Variants in SEC22B observed in about 807,000 individuals in gnomAD.
The protein encoded by SEC22B is vesicle-trafficking protein SEC22b.
SEC22B carries 10 observed loss-of-function variants against 31.4 expected under a neutral mutation model. The ratio of observed to expected loss-of-function variants is 0.32; its 90% CI spans 0.20 to 0.54. SEC22B has a LOEUF of 0.54. Among genes scored for constraint, SEC22B ranks in the 20% least tolerant of loss-of-function variants. The probability of loss-of-function intolerance (pLI) is 0.94; values close to 1 mark genes in which losing one functional copy is unlikely to be tolerated. For missense variants in SEC22B, 130 were observed against 263.4 expected (o/e 0.49, Z 3.50); for synonymous variants, 60 against 95.9 (o/e 0.63, Z 2.19).
At position 120,163,290 on chromosome 1, in the gene SEC22B, T is replaced by C. The variant is rs1337332485; in HGVS notation, c.266A>G (p.Glu89Gly). The C allele has an allele frequency of 6.2e-7, 1 of 1,602,146 alleles. No individual in the cohort carries two copies. The highest frequency in any genetic ancestry group is 8.5e-7 in the Non-Finnish European group (1 of 1,171,892). Residue 89 changes from glutamate to glycine, a missense_variant, in exon 3 of 5, where the codon GAA becomes GGA. Coordinates refer to ENST00000578049, the MANE Select transcript of SEC22B (RefSeq NM_004892.6). ...FPKKLAFAYL[E>G]DLHSEFDEQH... ...TTCATCAAATTCTGAGTGCAAATCT[T>C]CTAGGTAGGCAAAAGCCAACTTCTT... is the stretch of plus-strand genomic sequence containing the variant.
At position 120,176,337 on chromosome 1, in the gene SEC22B, C is replaced by G; in HGVS notation, c.45G>C (p.Pro15=). Residue 15 remains proline (P), a synonymous_variant, in exon 1 of 5, where the codon CCG becomes CCC. Transcript: ENST00000578049. ...TMIARVADGL[P]LAASMQEDEQ... ...CGTCCTCCTGCATCGAGGCGGCCAGCGGGAGCCCGTCCGCCACTCGGGCGA... is the reference window on the plus strand; with the variant it reads ...CGTCCTCCTGCATCGAGGCGGCCAGGGGGAGCCCGTCCGCCACTCGGGCGA... 2 of 1,612,136 alleles carry G rather than the reference C, an allele frequency of 1.2e-6. No homozygotes were observed. Among genetic ancestry groups the G allele is most frequent in the South Asian group, 2.2e-5 (2 of 90,966 alleles).
At chr1:120,157,737 A>G (rs1657652643) in intron 4 of SEC22B, 1 of 149,130 alleles carries the variant, frequency 6.7e-6, no homozygotes, top group Admixed American at 6.6e-5. Flanking sequence ...CAATTAACCA[A>G]ACACAGTCTT....
Position 120,153,121 on chromosome 1 carries a change from G to A in SEC22B, c.*3917C>T, listed in dbSNP as rs1219484902. 1.3e-5 allele frequency: 2 copies of A among 151,934 alleles called. No homozygotes were observed. The highest frequency in any genetic ancestry group is 4.1e-4 in the South Asian group (2 of 4,828). The allele number at this position is 151,934 out of a possible 1,614,324, so 9.4% of individuals were successfully genotyped here. On this transcript the variant is annotated 3_prime_UTR_variant, in exon 5 of 5. Coordinates refer to ENST00000578049, the MANE Select transcript of SEC22B (RefSeq NM_004892.6). ...ACATTGCTTCAGATAGTTTTATACT[G>A]CTAGGTCAACGCTGCCTGACAGTAA...
intron 3 of SEC22B, among the ~76,000 whole-genome samples, chr1:120,162,534 A>G (rs1293048249): frequency 6.2e-4 from 90 of 145,094 alleles, no homozygotes; most frequent in African/African-American, 2.2e-3. Flanking sequence ...TTTCAGCGAT[A>G]TAGCCTGATC....
intron 2 of SEC22B, among the ~76,000 whole-genome samples, chr1:120,165,761 C>G (rs1358226342): frequency 6.6e-6 from 1 of 151,800 alleles, no homozygotes; most frequent in Non-Finnish European, 1.5e-5. Context: ...AGTCTTCGCC[C>G]AGGTTCATGT....
chr1:120,160,408 A>G lies in SEC22B; in HGVS notation c.469T>C (p.Leu157=). 2.5e-6 allele frequency: 4 copies of G among 1,612,356 alleles called. No individual in the cohort carries two copies. In the South Asian group the frequency reaches 4.4e-5, roughly 18 times the overall value. ...RIMVANIEEV[L]QRGEALSALD... ...CCTGAGAGTGCTTCTCCTCGTTGTA[A>G]CACTTCTTCAATATTGGCCACCATG... Residue 157 remains leucine (L), a synonymous_variant, in exon 4 of 5, where the codon TTA becomes CTA. Coordinates refer to ENST00000578049, the MANE Select transcript of SEC22B (RefSeq NM_004892.6).
rs1553228652 is a variant in SEC22B at position 120,151,196 on chromosome 1, A to G, written c.*5842T>C. On this transcript the variant is annotated 3_prime_UTR_variant, in exon 5 of 5. Transcript: ENST00000578049. ...TATTCTGGAGAAAAGGCACAGAGTG[A>G]GCCAAGGCACAAGGTAAAATGTTTG... 1 of 152,188 alleles carries G rather than the reference A, an allele frequency of 6.6e-6. No individual in the cohort carries two copies. Among genetic ancestry groups the G allele is most frequent in the Non-Finnish European group, 1.5e-5 (1 of 68,024 alleles). 9.4% of individuals were successfully genotyped at this position (152,188 alleles called of 1,614,324 possible). A position where few individuals can be genotyped will look rare whatever the true frequency, so the allele number is the denominator to read the frequency against.
rs1222093492 is a variant in SEC22B, at chr1:120,176,487, T to A, written c.-106A>T. On this transcript the variant is annotated 5_prime_UTR_variant, in exon 1 of 5. Transcript: ENST00000578049. ...TACCCTATGTCTCAGTTACCGGAGATCCAGCTGCTTGCGTCTCCGCTTCCC... is the reference window on the plus strand; with the variant it reads ...TACCCTATGTCTCAGTTACCGGAGAACCAGCTGCTTGCGTCTCCGCTTCCC... The A allele has an allele frequency of 5.0e-6, 5 of 993,274 alleles. No individual in the cohort carries two copies. In the East Asian group the frequency reaches 1.4e-4, roughly 27 times the overall value. 61.5% of individuals were successfully genotyped at this position (993,274 alleles called of 1,614,324 possible).
At chr1:120,171,806 T>C (rs1657899973) in intron 1 of SEC22B, among the ~76,000 whole-genome samples, 1 of 140,674 alleles carries the variant, frequency 7.1e-6, no homozygotes, top group Non-Finnish European at 1.5e-5. Flanking sequence ...CTGTTAACAT[T>C]TTGGTCATTT....
At chr1:120,161,015 G>A (rs1357368316) in intron 3 of SEC22B, among the ~76,000 whole-genome samples, 1 of 152,170 alleles carries the variant, frequency 6.6e-6, no homozygotes, top group Admixed American at 6.5e-5. Flanking sequence ...TTTGTAAGAT[G>A]TAAAGGTATA....
rs1657580105 is a variant in SEC22B, at chr1:120,153,530, T to C, written c.*3508A>G. ...AATCTCAAGCTCCTTAAATGTGATT[T>C]TGAGGAACTGAGACCAAAACAATTT... On this transcript the variant is annotated 3_prime_UTR_variant, in exon 5 of 5. Transcript: ENST00000578049. 6.9e-6 allele frequency: 1 copy of C among 145,234 alleles called. No homozygotes were observed. Among genetic ancestry groups the C allele is most frequent in the South Asian group, 2.2e-4 (1 of 4,538 alleles). 9.0% of individuals were successfully genotyped at this position (145,234 alleles called of 1,614,324 possible). A position where few individuals can be genotyped will look rare whatever the true frequency, so the allele number is the denominator to read the frequency against.
chr1:120,170,399 T>G (rs1657877285), intron 1 of SEC22B, among the ~76,000 whole-genome samples: 1 of 141,602 alleles, frequency 7.1e-6, no homozygotes, highest in African/African-American at 2.9e-5. Flanking sequence ...AAGCTGATAA[T>G]AAAAACAAGG....
intron 2 of SEC22B, among the ~76,000 whole-genome samples, chr1:120,167,349 C>T (rs1302940165): frequency 6.6e-6 from 1 of 151,980 alleles, no homozygotes; most frequent in Non-Finnish European, 1.5e-5. Flanking sequence ...GACTGTTCTC[C>T]AACATGCTAG....
chr1:120,157,153 T>C lies in SEC22B; in HGVS notation c.533A>G (p.Lys178Arg). 1.9e-6 allele frequency: 3 copies of C among 1,539,048 alleles called. No individual in the cohort carries two copies. The highest frequency in any genetic ancestry group is 3.8e-5 in the Admixed American group (2 of 52,258). The part of the protein sequence containing the change: ...SKANNLSSLS[K>R]KYRQDAKYLN... ...GTACTTCGCATCCTGGCGGTATTTCTTGGACAGACTGGACAAATTGTTAGC... is the reference window on the plus strand; with the variant it reads ...GTACTTCGCATCCTGGCGGTATTTCCTGGACAGACTGGACAAATTGTTAGC... The change falls in exon 5 of 5, where the codon AAG becomes AGG. Residue 178 changes from lysine (K) to arginine (R), a missense_variant. Lys to Arg is a conservative substitution (Grantham distance 26, BLOSUM62 2). This residue lies in a region of SEC22B where 53 missense variants were observed against 63.3 expected (regional missense o/e 0.84). Coordinates refer to ENST00000578049, the MANE Select transcript of SEC22B (RefSeq NM_004892.6).
intron 2 of SEC22B, among the ~76,000 whole-genome samples, chr1:120,164,647 C>T (rs1265509225): frequency 0.19 from 27,953 of 145,514 alleles, no homozygotes; most frequent in African/African-American, 0.31. Context: ...ATATATACTA[C>T]ATTTTCTTTA....
intron 2 of SEC22B, among the ~76,000 whole-genome samples, chr1:120,168,202 C>A (rs1657842959): frequency 6.6e-6 from 1 of 151,868 alleles, no homozygotes; most frequent in South Asian, 2.1e-4. Flanking sequence ...TTAATCCTTC[C>A]TATTTTGTCA....
chr1:120,176,289 CG>C lies in SEC22B; in HGVS notation c.75+17del. 2.5e-6 allele frequency: 4 copies of C among 1,605,862 alleles called. No individual in the cohort carries two copies. The highest frequency in any genetic ancestry group is 3.4e-6 in the Non-Finnish European group (4 of 1,178,642). On this transcript the variant is annotated intron_variant, in intron 1 of 4. Coordinates refer to ENST00000578049, the MANE Select transcript of SEC22B (RefSeq NM_004892.6). ...CTGACAGAGACTTGGGGTCGCGGGTCGTGAGTAAGCAGCTCACCTGTTCGTC... is the reference window on the plus strand; with the variant it reads ...CTGACAGAGACTTGGGGTCGCGGGTCTGAGTAAGCAGCTCACCTGTTCGTC...
intron 1 of SEC22B, among the ~76,000 whole-genome samples, chr1:120,172,917 G>C (rs1407869268): frequency 1.6e-3 from 225 of 142,582 alleles, no homozygotes; most frequent in South Asian, 2.5e-3. Context: ...TATTACAAAA[G>C]ATAGAAGGTA....
At chr1:120,160,301 A>C in intron 4 of SEC22B, 83 bp downstream of exon 4, 1 of 909,190 alleles carries the variant, frequency 1.1e-6, no homozygotes, top group South Asian at 1.7e-5. Flanking sequence ...AGAATCTAAT[A>C]GCATAAAAGG....
Sources: allele counts gnomAD v4.1 joint callset (sites outside exome capture counted in the v4.1 genomes callset), GRCh38; gene constraint gnomAD v4.1.1; regional missense constraint gnomAD v4.1.1; transcripts MANE v1.5; gene names NCBI Gene and HGNC (gene_info 2026-07-23, HGNC 2026-07-21).